SUPT3H: variants seen among roughly 807,000 people sequenced by gnomAD.
SUPT3H encodes transcription initiation protein SPT3 homolog.
A neutral mutation model predicts 44.3 loss-of-function variants in SUPT3H; 44 were observed. That is an observed-to-expected ratio of 0.99 (90% CI 0.78 to 1.28). The LOEUF is 1.28. Among genes scored for constraint, SUPT3H ranks in the 50% most tolerant of loss-of-function variants. The probability of loss-of-function intolerance (pLI) is 0.00; values close to 1 mark genes in which losing one functional copy is unlikely to be tolerated. For missense variants in SUPT3H, 380 were observed against 387.1 expected, an observed-to-expected ratio of 0.98 and a Z score of 0.15; for synonymous variants, 124 against 125.6, an observed-to-expected ratio of 0.99 and a Z score of 0.09.
intron 11 of SUPT3H, among the ~76,000 whole-genome samples, chr6:44,818,958 C>G (rs1032813742): frequency 6.6e-6 from 1 of 152,004 alleles, no homozygotes; most frequent in African/African-American, 2.4e-5. Context: ...GTCAGTAATC[C>G]CACTTCTAGG....
At chr6:45,083,241 G>A (rs36009150) in intron 3 of SUPT3H, among the ~76,000 whole-genome samples, 3,688 of 151,268 alleles carry the variant, frequency 0.024, 92 homozygotes, top group Non-Finnish European at 0.041. Context: ...GCCCAGGCCG[G>A]AGTGCAGTGG....
chr6:45,228,631 C>T (rs1299125959), intron 2 of SUPT3H, among the ~76,000 whole-genome samples: 3 of 152,006 alleles, frequency 2.0e-5, no homozygotes, highest in East Asian at 1.9e-4. Flanking sequence ...GAAGAATACA[C>T]CTTCTAAAAA....
chr6:45,061,264 C>A (rs1320974402), intron 3 of SUPT3H, among the ~76,000 whole-genome samples: 1 of 152,044 alleles, frequency 6.6e-6, no homozygotes. Flanking sequence ...TACTATGCTG[C>A]CATAAAAAGG....
intron 9 of SUPT3H, among the ~76,000 whole-genome samples, chr6:44,947,266 C>T (rs1362390200): frequency 6.6e-6 from 1 of 152,050 alleles, no homozygotes; most frequent in Non-Finnish European, 1.5e-5. Flanking sequence ...AACAAACCTG[C>T]AATATCTCTG....
intron 10 of SUPT3H, among the ~76,000 whole-genome samples, chr6:44,843,798 A>G (rs1771381730): frequency 6.6e-6 from 1 of 151,968 alleles, no homozygotes; most frequent in Non-Finnish European, 1.5e-5. Context: ...TTTTCCATAG[A>G]CTTATCTATA....
intron 3 of SUPT3H, among the ~76,000 whole-genome samples, chr6:45,053,138 G>A (rs1314458700): frequency 2.0e-5 from 3 of 152,128 alleles, no homozygotes; most frequent in Non-Finnish European, 2.9e-5. Flanking sequence ...GAGCTCAAGC[G>A]ATCCTCCTGC....
intron 10 of SUPT3H, among the ~76,000 whole-genome samples, chr6:44,860,439 G>C (rs1774467412): frequency 6.6e-6 from 1 of 152,134 alleles, no homozygotes; most frequent in Non-Finnish European, 1.5e-5. Context: ...AGCTCGAATG[G>C]GCCTTAGAAG....
At chr6:44,937,263 A>G (rs759146760) in intron 9 of SUPT3H, among the ~76,000 whole-genome samples, 35 of 151,976 alleles carry the variant, frequency 2.3e-4, no homozygotes, top group Non-Finnish European at 4.6e-4. Context: ...AGGCCGAGGC[A>G]GGTGGATCAC....
intron 6 of SUPT3H, among the ~76,000 whole-genome samples, chr6:44,974,953 C>T (rs930642556): frequency 2.0e-5 from 3 of 152,034 alleles, no homozygotes; most frequent in African/African-American, 7.2e-5. Context: ...GGTGGATCAC[C>T]TGAGGTCAGG....
At chr6:45,156,148 T>A (rs1264220032) in intron 2 of SUPT3H, among the ~76,000 whole-genome samples, 1 of 152,198 alleles carries the variant, frequency 6.6e-6, no homozygotes, top group Non-Finnish European at 1.5e-5. Flanking sequence ...GCTACCAAGC[T>A]ACACGATGCT....
intron 2 of SUPT3H, among the ~76,000 whole-genome samples, chr6:45,335,849 T>C (rs918504160): frequency 6.6e-6 from 1 of 151,352 alleles, no homozygotes; most frequent in African/African-American, 2.4e-5. Context: ...TCATGAAATC[T>C]GTAAAGCATT....
At chr6:45,162,277 ACT>A (rs1288904359) in intron 2 of SUPT3H, among the ~76,000 whole-genome samples, 1 of 152,026 alleles carries the variant, frequency 6.6e-6, no homozygotes, top group Non-Finnish European at 1.5e-5. Flanking sequence ...AATCCCAGTG[ACT>A]CAGTAGGACA....
intron 3 of SUPT3H, among the ~76,000 whole-genome samples, chr6:45,079,959 C>A (rs1795562622): frequency 6.6e-6 from 1 of 152,094 alleles, no homozygotes; most frequent in Admixed American, 6.6e-5. Context: ...GAGATTACAT[C>A]AAATTGCAAA....
At chr6:45,083,067 G>A (rs910643151) in intron 3 of SUPT3H, among the ~76,000 whole-genome samples, 14 of 151,790 alleles carry the variant, frequency 9.2e-5, no homozygotes, top group African/African-American at 3.4e-4. Context: ...TCTAACAAAG[G>A]AGGTGAAAGA....
At chr6:45,238,895 C>A (rs778573897) in intron 2 of SUPT3H, among the ~76,000 whole-genome samples, 36 of 152,056 alleles carry the variant, frequency 2.4e-4, no homozygotes, top group Non-Finnish European at 3.7e-4. Context: ...GTCATTTTTT[C>A]CTAAAATGAA....
chr6:45,167,230 T>C (rs1810037073), intron 2 of SUPT3H, among the ~76,000 whole-genome samples: 1 of 152,152 alleles, frequency 6.6e-6, no homozygotes, highest in Non-Finnish European at 1.5e-5. Context: ...TCCTCTCACT[T>C]TAACCTAATG....
At chr6:45,241,532 T>C (rs1296422411) in intron 2 of SUPT3H, among the ~76,000 whole-genome samples, 3 of 152,212 alleles carry the variant, frequency 2.0e-5, no homozygotes, top group Non-Finnish European at 1.5e-5. Flanking sequence ...ACAATGTTTA[T>C]CGCTGGCTTG....
intron 5 of SUPT3H, among the ~76,000 whole-genome samples, chr6:45,005,916 C>T (rs1024932661): frequency 2.0e-5 from 3 of 151,706 alleles, no homozygotes; most frequent in African/African-American, 7.3e-5. Flanking sequence ...ATTCATAGAC[C>T]CTCTATTCCA....
At chr6:45,044,475 T>C (rs1789064911) in intron 3 of SUPT3H, among the ~76,000 whole-genome samples, 1 of 152,198 alleles carries the variant, frequency 6.6e-6, no homozygotes, top group Admixed American at 6.5e-5. Flanking sequence ...CTCCACTACT[T>C]ATCTGTAAAT....
Sources: allele counts gnomAD v4.1 joint callset (sites outside exome capture counted in the v4.1 genomes callset), GRCh38; gene constraint gnomAD v4.1.1; transcripts MANE v1.5; gene names NCBI Gene and HGNC (gene_info 2026-07-23, HGNC 2026-07-21).